The following ZC3H12A variants were observed in gnomAD, a reference collection of about 807,000 sequenced individuals.
ZC3H12A encodes zinc finger CCCH-type containing 12A, also known as endoribonuclease ZC3H12A.
A neutral mutation model predicts 29.9 loss-of-function variants in ZC3H12A; 9 were observed. The observed-to-expected ratio is 0.30, with a 90% CI of 0.18 to 0.53. The LOEUF is 0.53. ZC3H12A is among the 20% of genes least tolerant of loss of function. The pLI, the probability that ZC3H12A is intolerant of heterozygous loss-of-function variation, is 0.96. For missense variants in ZC3H12A, 617 were observed against 799.0 expected (o/e 0.77, Z 2.75); for synonymous variants, 323 against 338.1 (o/e 0.96, Z 0.49).
Position 37,478,933 on chromosome 1 carries a change from G to C in ZC3H12A, c.444-1357G>C. ...TGGACTTTGTCTCCCCTACAATTTA[G>C]AGACCTTCAGACCCTGGTGCCCCAG... On this transcript the variant is annotated intron_variant, in intron 2 of 5. Transcript: ENST00000373087. The surrounding 1 kb of genome is among the most constrained non-coding windows in gnomAD (Gnocchi z 5.2). 1 of 985,228 alleles carries C rather than the reference G, an allele frequency of 1.0e-6. No homozygotes were observed. Among genetic ancestry groups the C allele is most frequent in the Non-Finnish European group, 1.2e-6 (1 of 829,858 alleles). 61.0% of individuals were successfully genotyped at this position (985,228 alleles called of 1,614,324 possible). A position where few individuals can be genotyped will look rare whatever the true frequency, so the allele number is the denominator to read the frequency against.
chr1:37,475,213 G>A lies in ZC3H12A; in HGVS notation c.-38-246G>A, dbSNP rs943193007. ...CCAGTCTTAGTTCAGACTAAGTTCCGATCTTCGAGCCACCAGCTAACAGCT... is the reference window on the plus strand; with the variant it reads ...CCAGTCTTAGTTCAGACTAAGTTCCAATCTTCGAGCCACCAGCTAACAGCT... On this transcript the variant is annotated intron_variant, in intron 1 of 5. Transcript: ENST00000373087. The surrounding 1 kb of genome is among the most constrained non-coding windows in gnomAD (Gnocchi z 5.2). Among the ~76,000 whole-genome samples the A allele has an allele frequency of 3.9e-5, 6 of 152,214 alleles. No homozygotes were observed. Among genetic ancestry groups the A allele is most frequent in the Non-Finnish European group, 8.8e-5 (6 of 68,030 alleles).
chr1:37,475,557 G>A lies in ZC3H12A; in HGVS notation c.61G>A (p.Glu21Lys), dbSNP rs990324099. The change falls in exon 2 of 6, where the codon GAA becomes AAA. Residue 21 changes from glutamate to lysine, a missense_variant. Around this residue, in one of 5 missense-constraint regions of ZC3H12A, gnomAD observed 67 missense variants for 56.2 expected, o/e 1.19. Coordinates refer to ENST00000373087, the MANE Select transcript of ZC3H12A (RefSeq NM_025079.3). This position sits in a 1 kb window ranked among gnomAD's most constrained non-coding sequence, Gnocchi z 5.2. ...LEASPTMSLWEFEDSHSRQGT... is the reference protein window; with the variant it reads ...LEASPTMSLWKFEDSHSRQGT... The stretch of plus-strand genomic sequence containing the variant: ...AGCCAGCCCCACCATGAGTCTGTGG[G>A]AATTTGAGGACAGCCACAGCCGTCA... 1 of 1,613,832 alleles carries A rather than the reference G, an allele frequency of 6.2e-7. No individual in the cohort carries two copies. Among genetic ancestry groups the A allele is most frequent in the Admixed American group, 1.7e-5 (1 of 60,026 alleles).
At position 37,476,819 on chromosome 1, in the gene ZC3H12A, G is replaced by A. The variant is rs1480482291; in HGVS notation, c.443+880G>A. Among the ~76,000 whole-genome samples, 1 of 152,246 alleles carries A rather than the reference G, an allele frequency of 6.6e-6. No individual in the cohort carries two copies. The highest frequency in any genetic ancestry group is 1.5e-5 in the Non-Finnish European group (1 of 68,046). ...AGGCAGGCTGATGAGTCAGTGCTGGGTGGATGGCTCACAGGGAAAAGTTCC... is the reference window on the plus strand; with the variant it reads ...AGGCAGGCTGATGAGTCAGTGCTGGATGGATGGCTCACAGGGAAAAGTTCC... On this transcript the variant is annotated intron_variant, in intron 2 of 5. Transcript: ENST00000373087. This position sits in a 1 kb window ranked among gnomAD's most constrained non-coding sequence, Gnocchi z 6.0.
Position 37,479,063 on chromosome 1 carries a change from G to C in ZC3H12A, c.444-1227G>C, listed in dbSNP as rs1641646865. ...CCTTACCTCCCCCACTCCCATTAAA[G>C]ACACCCACAGGATGTGGTTGGCCCT... On this transcript the variant is annotated intron_variant, in intron 2 of 5. Coordinates refer to ENST00000373087, the MANE Select transcript of ZC3H12A (RefSeq NM_025079.3). This position sits in a 1 kb window ranked among gnomAD's most constrained non-coding sequence, Gnocchi z 4.5. 1 of 984,872 alleles carries C rather than the reference G, an allele frequency of 1.0e-6. No individual in the cohort carries two copies. Among genetic ancestry groups the C allele is most frequent in the Non-Finnish European group, 1.2e-6 (1 of 829,856 alleles). 61.0% of individuals were successfully genotyped at this position (984,872 alleles called of 1,614,324 possible). A position where few individuals can be genotyped will look rare whatever the true frequency, so the allele number is the denominator to read the frequency against.
rs1641668995 is a variant in ZC3H12A, at chr1:37,479,965, G to A, written c.444-325G>A. 9.2e-7 allele frequency: 1 copy of A among 1,090,840 alleles called. No homozygotes were observed. The highest frequency in any genetic ancestry group is 1.6e-5 in the African/African-American group (1 of 61,670). The allele number at this position is 1,090,840 out of a possible 1,614,324, so 67.6% of individuals were successfully genotyped here. A position where few individuals can be genotyped will look rare whatever the true frequency, so the allele number is the denominator to read the frequency against. ...GCCTGGCCCTCCCCCACCGTGGGGA[G>A]CAGTGCTGCCAGCTTCCTGGGCGCT... On this transcript the variant is annotated intron_variant, in intron 2 of 5. Coordinates refer to ENST00000373087, the MANE Select transcript of ZC3H12A (RefSeq NM_025079.3). This position sits in a 1 kb window ranked among gnomAD's most constrained non-coding sequence, Gnocchi z 4.5.
rs1037506855 is a variant in ZC3H12A at position 37,483,128 on chromosome 1, C to T, written c.1317C>T (p.Gly439=). 20 of 1,613,456 alleles carry T rather than the reference C, an allele frequency of 1.2e-5. No individual in the cohort carries two copies. The highest frequency in any genetic ancestry group is 2.7e-5 in the African/African-American group (2 of 74,936). ...PYVSQDCLDS[G]IGSLESQMSE... Reference sequence around the variant, plus strand: ...TCTCCCAGGATTGCCTGGACTCGGGCATTGGCTCCCTGGAGAGCCAGATGT... The same window carrying T: ...TCTCCCAGGATTGCCTGGACTCGGGTATTGGCTCCCTGGAGAGCCAGATGT... The change falls in exon 6 of 6, where the codon GGC becomes GGT. Residue 439 remains glycine, a synonymous_variant. Coordinates refer to ENST00000373087, the MANE Select transcript of ZC3H12A (RefSeq NM_025079.3).
rs771748669 is a variant in ZC3H12A, at chr1:37,483,465, G to A, written c.1654G>A (p.Glu552Lys). ...GGGCAGGGCAGGCAGCCTGGCCAAG[G>A]AGCAGGCCAGCGTGTATACTAAGCT... is the stretch of plus-strand genomic sequence containing the variant. ...PWGRAGSLAK[E>K]QASVYTKLCG... The change falls in exon 6 of 6, where the codon GAG (glutamate) becomes AAG (lysine). Residue 552 changes from glutamate (E) to lysine (K), a missense_variant. Physicochemically the swap from Glu to Lys is moderately conservative, Grantham distance 56. Transcript: ENST00000373087. The A allele has an allele frequency of 1.2e-6, 2 of 1,614,026 alleles. No homozygotes were observed. Among genetic ancestry groups the A allele is most frequent in the Non-Finnish European group, 1.7e-6 (2 of 1,179,940 alleles).
Position 37,483,343 on chromosome 1 carries a change from C to T in ZC3H12A, c.1532C>T (p.Pro511Leu). 6.2e-7 allele frequency: 1 copy of T among 1,614,188 alleles called. No homozygotes were observed. Among genetic ancestry groups the T allele is most frequent in the Non-Finnish European group, 8.5e-7 (1 of 1,180,016 alleles). Residue 511 changes from proline to leucine, a missense_variant, in exon 6 of 6, where the codon CCT (proline) becomes CTT (leucine). Transcript: ENST00000373087. ...CCACCCGCGCCCCCTGCCTTTCCAC[C>T]TCGAGAGTACTGGTCTGAACCATAC... ...DYPPAPPAFP[P>L]REYWSEPYPL...
chr1:37,482,318 AGTTTTAGGTGTCACTCTCCT>A (rs1641725597), intron 4 of ZC3H12A, 96 bp from the exon 5 acceptor site: 1 of 892,020 alleles, frequency 1.1e-6, no homozygotes, highest in African/African-American at 1.7e-5. Context: ...GACAGGCCCC[AGTTTTAGGTGTCACTCTCCT>A]ATTCTTCCCA....
At position 37,480,305 on chromosome 1, in the gene ZC3H12A, G is replaced by A. The variant is rs141185748; in HGVS notation, c.459G>A (p.Glu153=). 680 of 1,613,734 alleles carry A rather than the reference G, an allele frequency of 4.2e-4. 6 individuals carry two copies. The African/African-American group carries it at 7.3e-3, about 17-fold the overall frequency. Residue 153 remains glutamate, a synonymous_variant, in exon 3 of 6, where the codon GAG becomes GAA. Transcript: ENST00000373087. Reference sequence around the variant, plus strand: ...TCCCTCCCAGCCATGGGAACAAGGAGGTCTTCTCCTGCCGGGGCATCCTGC... The same window carrying A: ...TCCCTCCCAGCCATGGGAACAAGGAAGTCTTCTCCTGCCGGGGCATCCTGC... ...SNVAMSHGNK[E]VFSCRGILLA... is the part of the protein sequence containing the mutation.
rs75393311 is a variant in ZC3H12A, at chr1:37,479,030, C to T, written c.444-1260C>T. 1.3e-4 allele frequency: 125 copies of T among 985,254 alleles called. 1 individual carries two copies. The African/African-American group carries it at 2.1e-3, about 17-fold the overall frequency. The allele number at this position is 985,254 out of a possible 1,614,324, so 61.0% of individuals were successfully genotyped here. On this transcript the variant is annotated intron_variant, in intron 2 of 5. Coordinates refer to ENST00000373087, the MANE Select transcript of ZC3H12A (RefSeq NM_025079.3). The surrounding 1 kb of genome is among the most constrained non-coding windows in gnomAD (Gnocchi z 4.5). The stretch of plus-strand genomic sequence containing the variant: ...TCCCTAGCTTCTCTTAGGGCTCCAG[C>T]TATCACCCCTTACCTCCCCCACTCC...
Position 37,475,735 on chromosome 1 carries a change from C to T in ZC3H12A, c.239C>T (p.Thr80Met), listed in dbSNP as rs767291262. The change falls in exon 2 of 6, where the codon ACG (threonine) becomes ATG (methionine). Residue 80 changes from threonine (T) to methionine (M), a missense_variant. Thr to Met is a moderately conservative substitution (Grantham distance 81, BLOSUM62 -1). Transcript: ENST00000373087. This position sits in a 1 kb window ranked among gnomAD's most constrained non-coding sequence, Gnocchi z 5.2. The stretch of plus-strand genomic sequence containing the variant: ...CTGGGCGTCCAGGCAGACACCAACA[C>T]GGTGCTGGGTGAGCTGGTGAAACAC... ...QKLGVQADTN[T>M]VLGELVKHGT... 3.7e-6 allele frequency: 6 copies of T among 1,613,870 alleles called. No homozygotes were observed. The highest frequency in any genetic ancestry group is 2.7e-5 in the African/African-American group (2 of 74,926).
At chr1:37,481,917 G>A in intron 4 of ZC3H12A, 82 bp downstream of exon 4, 8 of 1,447,198 alleles carry the variant, frequency 5.5e-6, no homozygotes, top group Non-Finnish European at 6.6e-6. Context: ...TGGAGCTGGG[G>A]GCTGGGCTCT....
rs540460233 is a variant in ZC3H12A, at chr1:37,479,497, C to T, written c.444-793C>T. On this transcript the variant is annotated intron_variant, in intron 2 of 5. Coordinates refer to ENST00000373087, the MANE Select transcript of ZC3H12A (RefSeq NM_025079.3). This position sits in a 1 kb window ranked among gnomAD's most constrained non-coding sequence, Gnocchi z 4.5. ...AGGGCCCATGCCTTACTCAGCTGTC[C>T]TTGCTAAGAGTCCCCTAGCATCTTC... is the stretch of plus-strand genomic sequence containing the variant. 2.7e-5 allele frequency: 27 copies of T among 985,442 alleles called. No homozygotes were observed. The African/African-American group carries it at 4.5e-4, about 17-fold the overall frequency. The allele number at this position is 985,442 out of a possible 1,614,324, so 61.0% of individuals were successfully genotyped here.
At position 37,482,910 on chromosome 1, in the gene ZC3H12A, C is replaced by G. The variant is rs377405931; in HGVS notation, c.1099C>G (p.Leu367Val). 25 of 1,613,694 alleles carry G rather than the reference C, an allele frequency of 1.5e-5. No individual in the cohort carries two copies. Among genetic ancestry groups the G allele is most frequent in the Non-Finnish European group, 1.9e-5 (23 of 1,180,050 alleles). Residue 367 changes from leucine to valine, a missense_variant, in exon 6 of 6, where the codon CTG becomes GTG. Leu to Val is a conservative substitution (Grantham distance 32). Transcript: ENST00000373087. ...TTCACCTTCATCCCAGTCCAGCTCT[C>G]TGCTAACAGAGAGTGAGCAGTGCAG... ...RPSPSSQSSS[L>V]LTESEQCSLD...
chr1:37,481,203 G>C (rs1641694465), intron 3 of ZC3H12A, among the ~76,000 whole-genome samples: 1 of 152,174 alleles, frequency 6.6e-6, no homozygotes, highest in South Asian at 2.1e-4. Context: ...GCAATGCAAG[G>C]GACAGAGCCA....
At position 37,482,953 on chromosome 1, in the gene ZC3H12A, T is replaced by A; in HGVS notation, c.1142T>A (p.Leu381Gln). Residue 381 changes from leucine to glutamine, a missense_variant, in exon 6 of 6, where the codon CTG (leucine) becomes CAG (glutamine). By Grantham distance (113) the Leu-to-Gln change is moderately radical (BLOSUM62 -2). Transcript: ENST00000373087. ...SEQCSLDGKK[L>Q]GAQASPGSRQ... ...CAGTGCAGCCTGGATGGGAAGAAGC[T>A]GGGGGCCCAGGCATCCCCAGGGTCC... 1 of 1,613,048 alleles carries A rather than the reference T, an allele frequency of 6.2e-7. No homozygotes were observed. Among genetic ancestry groups the A allele is most frequent in the South Asian group, 1.1e-5 (1 of 91,038 alleles).
Position 37,483,189 on chromosome 1 carries a change from G to C in ZC3H12A, c.1378G>C (p.Glu460Gln). The change falls in exon 6 of 6, where the codon GAG becomes CAG. Residue 460 changes from glutamate (E) to glutamine (Q), a missense_variant. This residue lies in a region of ZC3H12A where 172 missense variants were observed against 203.1 expected (regional missense o/e 0.85). Transcript: ENST00000373087. ...LWGVRGGGPG[E>Q]PGPPRAPYTG... is the part of the protein sequence containing the mutation. ...GGGGGTTCGAGGAGGAGGCCCTGGT[G>C]AGCCGGGCCCACCCCGAGCCCCTTA... 1 of 1,613,482 alleles carries C rather than the reference G, an allele frequency of 6.2e-7. No individual in the cohort carries two copies. The highest frequency in any genetic ancestry group is 8.5e-7 in the Non-Finnish European group (1 of 1,179,904).
chr1:37,480,159 G>A (rs911257924), intron 2 of ZC3H12A, 131 bp from the exon 3 acceptor site: 2 of 1,445,768 alleles, frequency 1.4e-6, no homozygotes, highest in East Asian at 4.8e-5. Flanking sequence ...CTCCAAAGGG[G>A]AAGGGACTGC....
Sources: allele counts gnomAD v4.1 joint callset (sites outside exome capture counted in the v4.1 genomes callset), GRCh38; gene constraint gnomAD v4.1.1; regional missense constraint gnomAD v4.1.1; non-coding constraint Gnocchi (gnomAD v3.1); transcripts MANE v1.5; gene names NCBI Gene and HGNC (gene_info 2026-07-23, HGNC 2026-07-21).